The following ST6GALNAC5 variants were observed in gnomAD, a reference collection of about 807,000 sequenced individuals.
ST6GALNAC5 encodes the protein alpha-N-acetylgalactosaminide alpha-2,6-sialyltransferase 5.
A neutral mutation model predicts 33.6 loss-of-function variants in ST6GALNAC5; 27 were observed. The ratio of observed to expected loss-of-function variants is 0.80; its 90% CI spans 0.59 to 1.11. The LOEUF is 1.11. ST6GALNAC5 is among the 50% of genes least tolerant of loss of function. The pLI, the probability that ST6GALNAC5 is intolerant of heterozygous loss-of-function variation, is 0.00. For missense variants in ST6GALNAC5, 428 were observed against 454.0 expected (o/e 0.94, Z 0.52); for synonymous variants, 194 against 171.2 (o/e 1.13, Z -1.04).
chr1:76,990,270 T>C (rs1221954458), intron 2 of ST6GALNAC5, among the ~76,000 whole-genome samples: 2 of 152,138 alleles, frequency 1.3e-5, no homozygotes, highest in Admixed American at 1.3e-4. Flanking sequence ...AGTTTCTTTA[T>C]ACAGTGGCCA....
intron 2 of ST6GALNAC5, among the ~76,000 whole-genome samples, chr1:76,914,742 A>G (rs1311079371): frequency 1.3e-5 from 2 of 152,174 alleles, no homozygotes; most frequent in African/African-American, 4.8e-5. Flanking sequence ...AAAACCCTAG[A>G]AGAAAACCTA....
chr1:77,049,382 T>G (rs746630014), intron 3 of ST6GALNAC5, among the ~76,000 whole-genome samples: 2 of 152,082 alleles, frequency 1.3e-5, no homozygotes, highest in Non-Finnish European at 2.9e-5. Context: ...GAAGGAAAAG[T>G]AAAAGCAGCA....
chr1:76,917,809 C>T (rs147823197), intron 2 of ST6GALNAC5, among the ~76,000 whole-genome samples: 95 of 152,082 alleles, frequency 6.2e-4, no homozygotes, highest in Non-Finnish European at 1.3e-3. Flanking sequence ...GGCTGAAGAC[C>T]CAAGAAGAGT....
chr1:77,021,459 A>G (rs1570105904), intron 2 of ST6GALNAC5, among the ~76,000 whole-genome samples: 1 of 152,202 alleles, frequency 6.6e-6, no homozygotes, highest in African/African-American at 2.4e-5. Flanking sequence ...ACTTCATTAT[A>G]TTTTGTTGCC....
rs1182449453 is a variant in ST6GALNAC5, at chr1:76,977,421, G to C, written c.262-66783G>C. ...ATAGGACACCAGAACTATTCTTCTT[G>C]TCTAACTATAACTTTGTACCCACTG... On this transcript the variant is annotated intron_variant, in intron 2 of 4. Transcript: ENST00000477717. Among the ~76,000 whole-genome samples, 28 of 152,052 alleles carry C rather than the reference G, an allele frequency of 1.8e-4. 1 individual carries two copies. Among genetic ancestry groups the C allele is most frequent in the Admixed American group, 1.8e-3 (28 of 15,250 alleles).
At chr1:76,923,447 C>T (rs1246528356) in intron 2 of ST6GALNAC5, among the ~76,000 whole-genome samples, 4 of 152,052 alleles carry the variant, frequency 2.6e-5, no homozygotes, top group Non-Finnish European at 4.4e-5. Flanking sequence ...AATTCCAGCA[C>T]TTTGGGAGGC....
At chr1:76,914,396 C>A (rs1481637107) in intron 2 of ST6GALNAC5, among the ~76,000 whole-genome samples, 1 of 152,076 alleles carries the variant, frequency 6.6e-6, no homozygotes, top group Non-Finnish European at 1.5e-5. Flanking sequence ...AATCCTAAGC[C>A]AAAAGAACAA....
intron 4 of ST6GALNAC5, among the ~76,000 whole-genome samples, chr1:77,056,258 A>G (rs1652391807): frequency 6.6e-6 from 1 of 152,178 alleles, no homozygotes; most frequent in South Asian, 2.1e-4. Flanking sequence ...TGGCCTATAA[A>G]TTGCGTGAAA....
intron 2 of ST6GALNAC5, among the ~76,000 whole-genome samples, chr1:76,894,127 A>G (rs1029466750): frequency 1.3e-5 from 2 of 152,216 alleles, no homozygotes; most frequent in African/African-American, 4.8e-5. Context: ...TCTGCAGAAG[A>G]AACTATTTTT....
intron 2 of ST6GALNAC5, among the ~76,000 whole-genome samples, chr1:77,021,841 C>T (rs1050823294): frequency 1.3e-5 from 2 of 152,180 alleles, no homozygotes; most frequent in African/African-American, 4.8e-5. Flanking sequence ...CTCTCTAAAT[C>T]TTAGCTTTCT....
At chr1:76,976,400 C>CT (rs1201831700) in intron 2 of ST6GALNAC5, among the ~76,000 whole-genome samples, 3 of 151,942 alleles carry the variant, frequency 2.0e-5, no homozygotes, top group Admixed American at 6.6e-5. Flanking sequence ...TGTTTTTATT[C>CT]TTTTTTTGAG....
intron 2 of ST6GALNAC5, among the ~76,000 whole-genome samples, chr1:76,889,319 G>A (rs1405871095): frequency 2.6e-5 from 4 of 151,974 alleles, no homozygotes; most frequent in African/African-American, 9.7e-5. Flanking sequence ...TATTGTGGTT[G>A]TTTCAGATAG....
intron 2 of ST6GALNAC5, among the ~76,000 whole-genome samples, chr1:76,985,840 A>G (rs575870337): frequency 9.8e-5 from 15 of 152,356 alleles, no homozygotes; most frequent in African/African-American, 3.6e-4. Context: ...CAGAGGCCTC[A>G]GAAATAACAC....
Position 76,996,306 on chromosome 1 carries a change from A to T in ST6GALNAC5, c.262-47898A>T, listed in dbSNP as rs539577395. On this transcript the variant is annotated intron_variant, in intron 2 of 4. Coordinates refer to ENST00000477717, the MANE Select transcript of ST6GALNAC5 (RefSeq NM_030965.3). The stretch of plus-strand genomic sequence containing the variant: ...GACTCTGTGCCCGTGTAAGGCAGTG[A>T]TCACATCTTGTCCCTCACAACAGAG... Among the ~76,000 whole-genome samples the T allele has an allele frequency of 5.3e-5, 8 of 152,320 alleles. No homozygotes were observed. In the South Asian group the frequency reaches 1.7e-3, roughly 32 times the overall value.
At chr1:76,990,557 G>C (rs1167792395) in intron 2 of ST6GALNAC5, among the ~76,000 whole-genome samples, 1 of 152,104 alleles carries the variant, frequency 6.6e-6, no homozygotes, top group African/African-American at 2.4e-5. Flanking sequence ...TGGCTCCAAG[G>C]CTCTGTGCAG....
At chr1:77,017,989 C>G (rs1650912340) in intron 2 of ST6GALNAC5, among the ~76,000 whole-genome samples, 2 of 152,192 alleles carry the variant, frequency 1.3e-5, no homozygotes, top group African/African-American at 2.4e-5. Flanking sequence ...CATCTAGGCT[C>G]TCTTCTAACC....
chr1:76,945,243 T>C (rs1312687620), intron 2 of ST6GALNAC5, among the ~76,000 whole-genome samples: 1 of 152,014 alleles, frequency 6.6e-6, no homozygotes, highest in Non-Finnish European at 1.5e-5. Flanking sequence ...AAAATGAATT[T>C]CATGCTTGAG....
intron 2 of ST6GALNAC5, among the ~76,000 whole-genome samples, chr1:76,886,019 TACA>T (rs1653884831): frequency 6.6e-6 from 1 of 152,218 alleles, no homozygotes; most frequent in African/African-American, 2.4e-5. Context: ...CAGTCCTTTG[TACA>T]TATGCAGCCT....
At chr1:77,025,203 G>C (rs770128068) in intron 2 of ST6GALNAC5, among the ~76,000 whole-genome samples, 1 of 152,172 alleles carries the variant, frequency 6.6e-6, no homozygotes, top group Non-Finnish European at 1.5e-5. Context: ...TTTACTTTGT[G>C]AGAATCAACT....
Sources: allele counts gnomAD v4.1 joint callset (sites outside exome capture counted in the v4.1 genomes callset), GRCh38; gene constraint gnomAD v4.1.1; transcripts MANE v1.5; gene names NCBI Gene and HGNC (gene_info 2026-07-23, HGNC 2026-07-21).